AUTS2: variants seen among roughly 807,000 people sequenced by gnomAD.
AUTS2 encodes the protein autism susceptibility gene 2 protein.
A neutral mutation model predicts 112.4 loss-of-function variants in AUTS2; 17 were observed. That is an observed-to-expected ratio of 0.15 (90% CI 0.10 to 0.23). AUTS2 has a LOEUF of 0.23. AUTS2 is among the 10% of genes least tolerant of loss of function. AUTS2 has a pLI of 1.00. For synonymous variants in AUTS2, 751 were observed against 702.7 expected, an observed-to-expected ratio of 1.07 and a Z score of -1.09; for missense variants, 1,510 against 1,701.6, an observed-to-expected ratio of 0.89 and a Z score of 1.98.
At chr7:70,669,724 C>G (rs925886130) in intron 5 of AUTS2, among the ~76,000 whole-genome samples, 1 of 152,192 alleles carries the variant, frequency 6.6e-6, no homozygotes, top group Admixed American at 6.5e-5. Flanking sequence ...TTGAAGTCAT[C>G]GTGTGAATAG....
At chr7:70,534,677 C>T (rs1240266753) in intron 5 of AUTS2, among the ~76,000 whole-genome samples, 4 of 152,118 alleles carry the variant, frequency 2.6e-5, no homozygotes, top group East Asian at 1.9e-4. Context: ...CCGCCCACCT[C>T]GGCCTCCCAA....
chr7:70,665,541 T>G (rs1241761842), intron 5 of AUTS2, among the ~76,000 whole-genome samples: 1 of 152,112 alleles, frequency 6.6e-6, no homozygotes, highest in Non-Finnish European at 1.5e-5. Context: ...GCTCAAGTGA[T>G]CTTCCCGCCT....
chr7:70,373,703 T>A (rs915562147), intron 4 of AUTS2, among the ~76,000 whole-genome samples: 5 of 152,172 alleles, frequency 3.3e-5, no homozygotes, highest in African/African-American at 1.2e-4. Flanking sequence ...TAAAATATAC[T>A]TTTTTTCTCA....
chr7:69,742,111 CT>C (rs752148406), intron 1 of AUTS2, among the ~76,000 whole-genome samples: 36,239 of 125,596 alleles, frequency 0.29, 5,620 homozygotes, highest in Non-Finnish European at 0.38. Context: ...CCTATTTTAC[CT>C]TTTTTTTTTT....
intron 5 of AUTS2, among the ~76,000 whole-genome samples, chr7:70,668,651 G>T (rs1020052289): frequency 6.6e-6 from 1 of 152,198 alleles, no homozygotes; most frequent in Non-Finnish European, 1.5e-5. Context: ...TCCCCAAGTG[G>T]CCTCAAATTC....
chr7:69,654,150 C>G (rs1051613665), intron 1 of AUTS2, among the ~76,000 whole-genome samples: 1 of 152,316 alleles, frequency 6.6e-6, no homozygotes, highest in Non-Finnish European at 1.5e-5. Context: ...ACCATCTCTG[C>G]TTTTCTTGCC....
intron 5 of AUTS2, among the ~76,000 whole-genome samples, chr7:70,602,269 T>C (rs192203597): frequency 4.1e-4 from 62 of 152,310 alleles, no homozygotes; most frequent in Admixed American, 1.4e-3. Context: ...TACAAAGTGC[T>C]CTCTCAACCT....
chr7:70,579,241 T>C (rs1185286005), intron 5 of AUTS2, among the ~76,000 whole-genome samples: 1 of 10,680 alleles, frequency 9.4e-5, no homozygotes, highest in African/African-American at 3.1e-4. Flanking sequence ...ATATTCTCTT[T>C]TCTAAAAAAA....
At chr7:69,905,424 C>T (rs553139828) in intron 2 of AUTS2, among the ~76,000 whole-genome samples, 1 of 152,096 alleles carries the variant, frequency 6.6e-6, no homozygotes, top group Non-Finnish European at 1.5e-5. Flanking sequence ...AACAAGCCAT[C>T]TGCAAGATGG....
At chr7:70,615,536 GA>G (rs34820489) in intron 5 of AUTS2, among the ~76,000 whole-genome samples, 15,648 of 148,836 alleles carry the variant, frequency 0.11, 917 homozygotes, top group Middle Eastern at 0.21. Flanking sequence ...TTCAGGCTTA[GA>G]AAAAAAAAAC....
chr7:69,846,123 T>C (rs1316918657), intron 1 of AUTS2, among the ~76,000 whole-genome samples: 2 of 152,176 alleles, frequency 1.3e-5, no homozygotes, highest in African/African-American at 4.8e-5. Context: ...TCTGTGCCTT[T>C]TGTTAATATA....
At chr7:69,870,062 T>C (rs1302958482) in intron 1 of AUTS2, among the ~76,000 whole-genome samples, 1 of 152,160 alleles carries the variant, frequency 6.6e-6, no homozygotes, top group African/African-American at 2.4e-5. Context: ...GTTAATATAC[T>C]GTGGAAGCCT....
At chr7:70,159,982 A>T (rs1807987126) in intron 4 of AUTS2, among the ~76,000 whole-genome samples, 1 of 152,100 alleles carries the variant, frequency 6.6e-6, no homozygotes, top group Non-Finnish European at 1.5e-5. Flanking sequence ...TGTCTTTAGG[A>T]ATATCCCTTA....
At chr7:70,553,776 T>C (rs1801119502) in intron 5 of AUTS2, among the ~76,000 whole-genome samples, 1 of 142,062 alleles carries the variant, frequency 7.0e-6, no homozygotes, top group African/African-American at 2.7e-5. Flanking sequence ...TTTTTTTTTT[T>C]TTTTTTTTGA....
intron 2 of AUTS2, among the ~76,000 whole-genome samples, chr7:69,984,221 C>CTACT (rs1162119620): frequency 5.9e-5 from 9 of 151,768 alleles, no homozygotes. Flanking sequence ...ATCGAGACCA[C>CTACT]GGTGAAACCC....
intron 2 of AUTS2, among the ~76,000 whole-genome samples, chr7:69,976,335 T>C (rs999488407): frequency 6.6e-6 from 1 of 152,232 alleles, no homozygotes; most frequent in Non-Finnish European, 1.5e-5. Flanking sequence ...CAAGATTCCT[T>C]CCTTTCTAAG....
At chr7:70,354,545 A>G (rs1791906824) in intron 4 of AUTS2, among the ~76,000 whole-genome samples, 1 of 152,200 alleles carries the variant, frequency 6.6e-6, no homozygotes, top group African/African-American at 2.4e-5. Context: ...AAGATGAGCA[A>G]TTTGAAGACT....
chr7:70,753,379 A>G (rs1478345905), intron 6 of AUTS2, among the ~76,000 whole-genome samples: 1 of 152,208 alleles, frequency 6.6e-6, no homozygotes, highest in Non-Finnish European at 1.5e-5. Flanking sequence ...TTTACACAAC[A>G]TGACAAGCAC....
intron 5 of AUTS2, among the ~76,000 whole-genome samples, chr7:70,501,932 G>A (rs961023830): frequency 6.6e-6 from 1 of 152,110 alleles, no homozygotes; most frequent in African/African-American, 2.4e-5. Context: ...GGCCTGAGGA[G>A]CCCTTCACTT....
Sources: allele counts gnomAD v4.1 joint callset (sites outside exome capture counted in the v4.1 genomes callset), GRCh38; gene constraint gnomAD v4.1.1; transcripts MANE v1.5; gene names NCBI Gene and HGNC (gene_info 2026-07-23, HGNC 2026-07-21).